SLC25A13: variants seen among roughly 807,000 people sequenced by gnomAD.
SLC25A13 encodes the protein solute carrier family 25 member 13.
SLC25A13 carries 70 observed loss-of-function variants against 85.5 expected under a neutral mutation model. That is an observed-to-expected ratio of 0.82 (90% CI 0.68 to 1.00). The LOEUF (loss-of-function observed/expected upper bound fraction) is 1.00, where lower values mean the gene tolerates loss of function less well. SLC25A13 is among the 50% of genes least tolerant of loss of function. SLC25A13 has a pLI of 0.00. For synonymous variants in SLC25A13, 259 were observed against 288.7 expected, an observed-to-expected ratio of 0.90 and a Z score of 1.04; for missense variants, 765 against 819.8, an observed-to-expected ratio of 0.93 and a Z score of 0.82.
At chr7:96,190,004 T>C (rs1332103500) in intron 7 of SLC25A13, among the ~76,000 whole-genome samples, 1 of 152,080 alleles carries the variant, frequency 6.6e-6, no homozygotes, top group Non-Finnish European at 1.5e-5. Flanking sequence ...TCTAATTAAC[T>C]GGTTAAATTA....
intron 1 of SLC25A13, among the ~76,000 whole-genome samples, chr7:96,313,523 AT>A (rs1473043824): frequency 6.6e-6 from 1 of 152,230 alleles, no homozygotes; most frequent in Non-Finnish European, 1.5e-5. Flanking sequence ...AGAAAACCAA[AT>A]ATCACATGTT....
chr7:96,277,087 G>T lies in SLC25A13; in HGVS notation c.212+109C>A, dbSNP rs992592652. 10 of 1,025,892 alleles carry T rather than the reference G, an allele frequency of 9.7e-6. No individual in the cohort carries two copies. In the African/African-American group the frequency reaches 1.5e-4, roughly 15 times the overall value. The allele number at this position is 1,025,892 out of a possible 1,614,324, so 63.5% of individuals were successfully genotyped here. The stretch of plus-strand genomic sequence containing the variant: ...AATAATAGTAGTAAGTACAGAAAAT[G>T]GTCCTAAGAGATGGGAAGGTATACA... On this transcript the variant is annotated intron_variant, in intron 3 of 17. Transcript: ENST00000265631.
Position 96,120,988 on chromosome 7 carries a change from C to T in SLC25A13, c.*203G>A. The T allele has an allele frequency of 2.8e-6, 2 of 719,758 alleles. No individual in the cohort carries two copies. Among genetic ancestry groups the T allele is most frequent in the Non-Finnish European group, 4.9e-6 (2 of 410,322 alleles). The allele number at this position is 719,758 out of a possible 1,614,324, so 44.6% of individuals were successfully genotyped here. On this transcript the variant is annotated 3_prime_UTR_variant, in exon 18 of 18. Coordinates refer to ENST00000265631, the MANE Select transcript of SLC25A13 (RefSeq NM_014251.3). ...AAACAAAGGTTTCTGGGCAGAGGGC[C>T]AAATAATAATTATGAATAATTTCAC...
chr7:96,171,632 G>A, intron 11 of SLC25A13, 108 bp from the exon 12 acceptor site: 1 of 879,992 alleles, frequency 1.1e-6, no homozygotes, highest in South Asian at 1.5e-5. Flanking sequence ...AATCTCTGCT[G>A]CAATTTTCTG....
chr7:96,147,678 C>T (rs970889948), intron 13 of SLC25A13, among the ~76,000 whole-genome samples: 8 of 152,020 alleles, frequency 5.3e-5, no homozygotes, highest in African/African-American at 1.9e-4. Flanking sequence ...TTTATAAAAG[C>T]TGGAAAGAAA....
intron 14 of SLC25A13, among the ~76,000 whole-genome samples, chr7:96,137,923 A>G (rs1336734746): frequency 2.0e-5 from 3 of 152,196 alleles, no homozygotes; most frequent in Non-Finnish European, 4.4e-5. Flanking sequence ...CGAATCATTC[A>G]TTGTACAATT....
At chr7:96,263,234 G>T in intron 3 of SLC25A13, among the ~76,000 whole-genome samples, 1 of 151,948 alleles carries the variant, frequency 6.6e-6, no homozygotes, top group Middle Eastern at 3.4e-3. Context: ...CAACAGTCCC[G>T]GACACCCAGG....
At chr7:96,204,479 G>T (rs917445874) in intron 5 of SLC25A13, among the ~76,000 whole-genome samples, 1 of 152,072 alleles carries the variant, frequency 6.6e-6, no homozygotes, top group African/African-American at 2.4e-5. Flanking sequence ...ATTCAAAGTT[G>T]TAGCGAGCGC....
chr7:96,281,539 T>C (rs1299431774), intron 2 of SLC25A13, among the ~76,000 whole-genome samples: 1 of 152,178 alleles, frequency 6.6e-6, no homozygotes, highest in African/African-American at 2.4e-5. Flanking sequence ...TACATACAGT[T>C]AGTTTTAACA....
chr7:96,173,360 G>A (rs1452208274), intron 11 of SLC25A13, among the ~76,000 whole-genome samples: 1 of 152,198 alleles, frequency 6.6e-6, no homozygotes, highest in East Asian at 1.9e-4. Flanking sequence ...GAGAGATAAA[G>A]TAATTTCTTC....
intron 5 of SLC25A13, among the ~76,000 whole-genome samples, chr7:96,204,349 C>A (rs1017882588): frequency 6.6e-6 from 1 of 152,046 alleles, no homozygotes; most frequent in African/African-American, 2.4e-5. Flanking sequence ...TTCTGTGCCC[C>A]CAAGTGCCTA....
At chr7:96,191,286 A>C (rs1435975325) in intron 6 of SLC25A13, 39 bp from the exon 7 acceptor site, 1 of 1,607,976 alleles carries the variant, frequency 6.2e-7, no homozygotes, top group Admixed American at 1.7e-5. Context: ...AAAAATATAC[A>C]AAAGATTTAT....
intron 3 of SLC25A13, among the ~76,000 whole-genome samples, chr7:96,245,624 CAT>C (rs947515250): frequency 2.0e-5 from 3 of 152,168 alleles, no homozygotes; most frequent in African/African-American, 7.2e-5. Context: ...TAATAATGTG[CAT>C]GACAAATAGT....
At chr7:96,136,103 T>A (rs1472805318) in intron 14 of SLC25A13, among the ~76,000 whole-genome samples, 2 of 152,140 alleles carry the variant, frequency 1.3e-5, no homozygotes, top group Non-Finnish European at 2.9e-5. Context: ...CGTTATAAAC[T>A]GGGAAAAAAC....
At chr7:96,273,014 A>C (rs773704116) in intron 3 of SLC25A13, among the ~76,000 whole-genome samples, 2 of 152,200 alleles carry the variant, frequency 1.3e-5, no homozygotes, top group Non-Finnish European at 2.9e-5. Flanking sequence ...AGCCTTTACA[A>C]TGGAAATATC....
At chr7:96,212,834 GA>G (rs1446653687) in intron 4 of SLC25A13, among the ~76,000 whole-genome samples, 1 of 151,858 alleles carries the variant, frequency 6.6e-6, no homozygotes, top group Non-Finnish European at 1.5e-5. Context: ...ACTCTGCAGG[GA>G]AAAAAAGGCC....
chr7:96,238,220 T>C (rs934713244), intron 3 of SLC25A13, among the ~76,000 whole-genome samples: 3 of 151,886 alleles, frequency 2.0e-5, no homozygotes, highest in African/African-American at 7.3e-5. Context: ...AAGATGAACA[T>C]AGAGATCAGG....
chr7:96,235,109 A>AC (rs1264296953), intron 3 of SLC25A13, among the ~76,000 whole-genome samples, 192 bp from the exon 4 acceptor site: 17 of 152,254 alleles, frequency 1.1e-4, no homozygotes, highest in Non-Finnish European at 8.8e-5. Context: ...AATCTAAAAG[A>AC]CATGACAGCA....
Position 96,307,449 on chromosome 7 carries a change from C to T in SLC25A13, c.16-10498G>A, listed in dbSNP as rs563156035. 4.3e-4 allele frequency among the ~76,000 whole-genome samples: 66 copies of T among 151,910 alleles called. No homozygotes were observed. The South Asian group carries it at 0.013, about 29-fold the overall frequency. ...GGCATGGTGGCATGTGCCTGTAGTC[C>T]CAACTACTCAGGAGGCTGAGGTGGG... is the stretch of plus-strand genomic sequence containing the variant. On this transcript the variant is annotated intron_variant, in intron 1 of 17. Transcript: ENST00000265631.
Sources: allele counts gnomAD v4.1 joint callset (sites outside exome capture counted in the v4.1 genomes callset), GRCh38; gene constraint gnomAD v4.1.1; transcripts MANE v1.5; gene names NCBI Gene and HGNC (gene_info 2026-07-23, HGNC 2026-07-21).